The following PPFIA1 variants were observed in gnomAD, a reference collection of about 807,000 sequenced individuals.
The protein encoded by PPFIA1 is liprin-alpha-1.
PPFIA1 carries 25 observed loss-of-function variants against 149.9 expected under a neutral mutation model. That is an observed-to-expected ratio of 0.17 (90% confidence interval 0.12 to 0.23). PPFIA1 has a LOEUF of 0.23. PPFIA1 is among the 10% of genes least tolerant of loss of function. The probability of loss-of-function intolerance (pLI) is 1.00; values close to 1 mark genes in which losing one functional copy is unlikely to be tolerated. For synonymous variants in PPFIA1, 549 were observed against 552.8 expected (o/e 0.99, Z 0.10); for missense variants, 1,362 against 1,506.5 (o/e 0.90, Z 1.59).
chr11:70,275,982 C>A (rs1018881651), intron 2 of PPFIA1, among the ~76,000 whole-genome samples: 12 of 152,272 alleles, frequency 7.9e-5, no homozygotes, highest in African/African-American at 2.9e-4. Flanking sequence ...TGTAAAAATT[C>A]TCCTCTTCTT....
intron 2 of PPFIA1, among the ~76,000 whole-genome samples, chr11:70,273,962 C>T (rs182417755): frequency 6.6e-6 from 1 of 152,292 alleles, no homozygotes; most frequent in African/African-American, 2.4e-5. Context: ...CAGTTAGTCG[C>T]AGGCTGTGGA....
intron 5 of PPFIA1, 77 bp from the exon 6 acceptor site, chr11:70,326,185 C>T: frequency 1.2e-6 from 1 of 839,108 alleles, no homozygotes; most frequent in East Asian, 2.7e-5. Flanking sequence ...TGTGTTTTTC[C>T]AAAAGGAGTT....
At chr11:70,333,615 G>T in intron 10 of PPFIA1, 62 bp downstream of exon 10, 1 of 1,357,026 alleles carries the variant, frequency 7.4e-7, no homozygotes, top group South Asian at 1.2e-5. Context: ...TTGCTCGGCT[G>T]TGGGGAGCTC....
chr11:70,365,463 C>G (rs560748095), intron 21 of PPFIA1: 1 of 456,562 alleles, frequency 2.2e-6, no homozygotes, highest in African/African-American at 2.0e-5. Context: ...GCCTGCACTC[C>G]TCCCAGCGCG....
chr11:70,382,552 T>G (rs1295270044), intron 27 of PPFIA1, among the ~76,000 whole-genome samples: 2 of 152,130 alleles, frequency 1.3e-5, no homozygotes, highest in Non-Finnish European at 2.9e-5. Context: ...TGCTTTGTTT[T>G]AAATACACAT....
At chr11:70,357,781 G>T (rs1288022692) in intron 19 of PPFIA1, among the ~76,000 whole-genome samples, 5 of 151,988 alleles carry the variant, frequency 3.3e-5, no homozygotes, top group Admixed American at 3.3e-4. Flanking sequence ...TAGAGACGGG[G>T]TTTCACCATG....
At chr11:70,379,272 G>A (rs1033758719) in intron 26 of PPFIA1, among the ~76,000 whole-genome samples, 3 of 151,810 alleles carry the variant, frequency 2.0e-5, no homozygotes, top group African/African-American at 7.3e-5. Flanking sequence ...TGACCAACAT[G>A]GCGAAACCCC....
intron 19 of PPFIA1, among the ~76,000 whole-genome samples, chr11:70,360,891 G>A (rs1316844541): frequency 6.6e-6 from 1 of 152,198 alleles, no homozygotes; most frequent in African/African-American, 2.4e-5. Flanking sequence ...CAAACCAAAT[G>A]TATGTGTCCT....
chr11:70,334,636 A>G (rs1250251927), intron 10 of PPFIA1: 1 of 152,248 alleles, frequency 6.6e-6, no homozygotes, highest in Non-Finnish European at 1.5e-5. Flanking sequence ...CTTTCAGGTA[A>G]TGATAGTTGC....
chr11:70,306,584 GACAA>G, intron 2 of PPFIA1, among the ~76,000 whole-genome samples: 1 of 152,204 alleles, frequency 6.6e-6, no homozygotes, highest in African/African-American at 2.4e-5. Flanking sequence ...GCTTGGGCAT[GACAA>G]CCCTAGAAGG....
Position 70,372,308 on chromosome 11 carries a change from T to G in PPFIA1, c.2959T>G (p.Cys987Gly), listed in dbSNP as rs1591380870. ...LPQYRSYFME[C>G]LVDARMLDHL... ...CCAGTACCGCAGCTACTTCATGGAG[T>G]GCCTTGTAGACGCCAGGATGCTGGA... Residue 987 changes from cysteine (C) to glycine (G), a missense_variant, in exon 22 of 28, where the codon TGC (cysteine) becomes GGC (glycine). Cys to Gly is a radical substitution (Grantham distance 159). This residue lies in a region of PPFIA1 where 349 missense variants were observed against 373.3 expected (regional missense o/e 0.93). Transcript: ENST00000253925. The G allele has an allele frequency of 1.2e-6, 2 of 1,613,952 alleles. No homozygotes were observed. Among genetic ancestry groups the G allele is most frequent in the African/African-American group, 1.3e-5 (1 of 74,870 alleles).
At chr11:70,337,516 G>A (rs1246723324) in intron 12 of PPFIA1, 89 bp downstream of exon 12, 1 of 1,015,064 alleles carries the variant, frequency 9.9e-7, no homozygotes, top group Admixed American at 3.0e-5. Context: ...ACAGTGGAGA[G>A]CAGCTTGGTT....
At chr11:70,307,759 A>C (rs1367142617) in intron 2 of PPFIA1, among the ~76,000 whole-genome samples, 1 of 140,280 alleles carries the variant, frequency 7.1e-6, no homozygotes, top group Non-Finnish European at 1.5e-5. Context: ...ACCTCTACAA[A>C]AAAAATTTTT....
chr11:70,322,826 T>G (rs907727592), intron 2 of PPFIA1, among the ~76,000 whole-genome samples: 1 of 152,102 alleles, frequency 6.6e-6, no homozygotes, highest in Admixed American at 6.6e-5. Context: ...TTGTGTCCCC[T>G]CCCCACCCCC....
chr11:70,310,083 G>C (rs1565376957), intron 2 of PPFIA1, among the ~76,000 whole-genome samples: 1 of 152,126 alleles, frequency 6.6e-6, no homozygotes, highest in Non-Finnish European at 1.5e-5. Context: ...ATTCACATCA[G>C]TATTTCAGTT....
chr11:70,319,117 G>C (rs561050), intron 2 of PPFIA1, among the ~76,000 whole-genome samples: 35,688 of 152,168 alleles, frequency 0.23, 4,355 homozygotes, highest in South Asian at 0.26. Context: ...TCTTCCCGTA[G>C]TCACTCCCTT....
chr11:70,330,157 G>C lies in PPFIA1; in HGVS notation c.931-16G>C. ...AATTACCTACTTTTTTGTCCCCTCT[G>C]AAATACCTAATTTAGGCCATGGCCC... is the stretch of plus-strand genomic sequence containing the variant. On this transcript the variant is annotated splice_polypyrimidine_tract_variant and intron_variant, in intron 7 of 27. Coordinates refer to ENST00000253925, the MANE Select transcript of PPFIA1 (RefSeq NM_003626.5). 1 of 1,571,350 alleles carries C rather than the reference G, an allele frequency of 6.4e-7. No homozygotes were observed. Among genetic ancestry groups the C allele is most frequent in the Non-Finnish European group, 8.6e-7 (1 of 1,161,310 alleles).
At chr11:70,355,868 C>T in intron 18 of PPFIA1, 57 bp downstream of exon 18, 1 of 1,555,312 alleles carries the variant, frequency 6.4e-7, no homozygotes, top group Admixed American at 1.9e-5. Context: ...GAAGGCACTG[C>T]CTTCGGTGCC....
At chr11:70,344,003 T>A in intron 15 of PPFIA1, 111 bp downstream of exon 15, 1 of 965,732 alleles carries the variant, frequency 1.0e-6, no homozygotes, top group Non-Finnish European at 1.5e-6. Context: ...AAGTATTACA[T>A]AATAATAGAA....
Sources: allele counts gnomAD v4.1 joint callset (sites outside exome capture counted in the v4.1 genomes callset), GRCh38; gene constraint gnomAD v4.1.1; regional missense constraint gnomAD v4.1.1; transcripts MANE v1.5; gene names NCBI Gene and HGNC (gene_info 2026-07-23, HGNC 2026-07-21).